Variants in XPO6 observed in about 807,000 individuals in gnomAD.
XPO6 encodes the protein exportin 6, also known as exportin-6.
A neutral mutation model predicts 130.0 loss-of-function variants in XPO6; 3 were observed. The ratio of observed to expected loss-of-function variants is 0.02; its 90% CI spans 0.01 to 0.06. XPO6 has a LOEUF of 0.06. Among genes scored for constraint, XPO6 ranks in the 10% least tolerant of loss-of-function variants. XPO6 has a pLI of 1.00. For synonymous variants in XPO6, 524 were observed against 548.9 expected, an observed-to-expected ratio of 0.95 and a Z score of 0.63; for missense variants, 970 against 1,393.0, an observed-to-expected ratio of 0.70 and a Z score of 4.83.
chr16:28,193,767 C>T (rs1196255953), intron 1 of XPO6, among the ~76,000 whole-genome samples: 4 of 152,140 alleles, frequency 2.6e-5, no homozygotes, highest in South Asian at 2.1e-4. Context: ...CTTCAATCCC[C>T]GCACAGCAAG....
chr16:28,128,726 C>T (rs979053439), intron 12 of XPO6, among the ~76,000 whole-genome samples: 6 of 152,158 alleles, frequency 3.9e-5, no homozygotes, highest in Non-Finnish European at 5.9e-5. Flanking sequence ...TGGACCTCGG[C>T]TGAATGCTAG....
chr16:28,185,251 T>C (rs984322316), intron 1 of XPO6, among the ~76,000 whole-genome samples: 4 of 152,052 alleles, frequency 2.6e-5, no homozygotes, highest in Non-Finnish European at 5.9e-5. Context: ...TTCCAGCTAC[T>C]TGGGGGGCTG....
intron 13 of XPO6, among the ~76,000 whole-genome samples, chr16:28,124,058 C>T (rs1032711011): frequency 2.2e-5 from 3 of 138,276 alleles, no homozygotes; most frequent in Non-Finnish European, 4.7e-5. Flanking sequence ...ACAGATATAC[C>T]TTTTTTTTTT....
intron 14 of XPO6, 27 bp downstream of exon 14, chr16:28,121,643 T>G: frequency 1.9e-6 from 3 of 1,539,414 alleles, no homozygotes; most frequent in Non-Finnish European, 2.7e-6. Flanking sequence ...TTCCTAAAAA[T>G]GCACAAACAT....
At chr16:28,105,983 T>C (rs2086768342) in intron 20 of XPO6, 60 bp downstream of exon 20, 1 of 1,576,186 alleles carries the variant, frequency 6.3e-7, no homozygotes. Context: ...CTGTGAAATC[T>C]CATTCCCTTC....
chr16:28,133,715 T>C (rs1323633351), intron 11 of XPO6, 126 bp downstream of exon 11: 1 of 827,574 alleles, frequency 1.2e-6, no homozygotes, highest in Non-Finnish European at 1.9e-6. Flanking sequence ...ATGGTAATTA[T>C]TCTGTTTTTA....
chr16:28,179,377 TAATAAA>T (rs2043582210), intron 2 of XPO6, among the ~76,000 whole-genome samples: 1 of 152,200 alleles, frequency 6.6e-6, no homozygotes, highest in African/African-American at 2.4e-5. Flanking sequence ...AACATTATTT[TAATAAA>T]AATAAAAGTT....
chr16:28,134,210 C>T (rs1229306909), intron 10 of XPO6, among the ~76,000 whole-genome samples: 1 of 152,168 alleles, frequency 6.6e-6, no homozygotes, highest in South Asian at 2.1e-4. Flanking sequence ...TGTGAAATCA[C>T]CTGTTGGAAA....
intron 1 of XPO6, among the ~76,000 whole-genome samples, chr16:28,193,142 G>A (rs531813341): frequency 6.6e-6 from 1 of 152,292 alleles, no homozygotes; most frequent in Non-Finnish European, 1.5e-5. Flanking sequence ...AATACACCTA[G>A]TGCCACCTTT....
At position 28,152,622 on chromosome 16, in the gene XPO6, T is replaced by C. The variant is rs754499837; in HGVS notation, c.1224+37A>G. On this transcript the variant is annotated intron_variant, in intron 8 of 23. Coordinates refer to ENST00000304658, the MANE Select transcript of XPO6 (RefSeq NM_015171.4). ...TCTCAAAGTAACAAGGTAATAAACCTTTTCTCTGGAAGGGAAGGATGACTT... is the reference window on the plus strand; with the variant it reads ...TCTCAAAGTAACAAGGTAATAAACCCTTTCTCTGGAAGGGAAGGATGACTT... 146 of 1,586,892 alleles carry C rather than the reference T, an allele frequency of 9.2e-5. 1 individual carries two copies. In the Admixed American group the frequency reaches 2.7e-3, roughly 29 times the overall value.
chr16:28,172,725 A>C (rs1404095307), intron 4 of XPO6, among the ~76,000 whole-genome samples: 1 of 152,132 alleles, frequency 6.6e-6, no homozygotes. Flanking sequence ...ACCACCCAAC[A>C]AACTGTCACA....
chr16:28,176,888 G>T (rs2043543001), intron 3 of XPO6, among the ~76,000 whole-genome samples: 1 of 152,038 alleles, frequency 6.6e-6, no homozygotes, highest in Non-Finnish European at 1.5e-5. Context: ...TGTTGTTGGG[G>T]ATGATGGTAT....
intron 1 of XPO6, among the ~76,000 whole-genome samples, chr16:28,199,403 T>C (rs1161151424): frequency 1.3e-5 from 2 of 152,006 alleles, no homozygotes; most frequent in African/African-American, 2.4e-5. Flanking sequence ...GCCTCCTGAG[T>C]TGCTGGGATT....
intron 8 of XPO6, among the ~76,000 whole-genome samples, chr16:28,148,232 G>A (rs2043019779): frequency 6.6e-6 from 1 of 152,196 alleles, no homozygotes. Flanking sequence ...TGTGAATTGA[G>A]GACTTGCTAT....
intron 5 of XPO6, among the ~76,000 whole-genome samples, chr16:28,169,502 T>TAC (rs1189475228): frequency 6.6e-6 from 1 of 152,240 alleles, no homozygotes; most frequent in Non-Finnish European, 1.5e-5. Flanking sequence ...ACCTGGACTC[T>TAC]ACCTCACTGA....
chr16:28,132,234 T>C lies in XPO6; in HGVS notation c.1606+100A>G, dbSNP rs1366442909. 5.5e-6 allele frequency: 5 copies of C among 901,832 alleles called. No homozygotes were observed. The highest frequency in any genetic ancestry group is 2.2e-4 in the Middle Eastern group (1 of 4,644). 55.9% of individuals were successfully genotyped at this position (901,832 alleles called of 1,614,324 possible). ...AGAGATGCCAGTGGGGAGGCTGCAGTGAAGAAATCATGTTCCGACAGCAAC... is the reference window on the plus strand; with the variant it reads ...AGAGATGCCAGTGGGGAGGCTGCAGCGAAGAAATCATGTTCCGACAGCAAC... On this transcript the variant is annotated intron_variant, in intron 12 of 23. Transcript: ENST00000304658. The surrounding 1 kb of genome is among the most constrained non-coding windows in gnomAD (Gnocchi z 4.0).
chr16:28,196,327 T>C (rs77521579), intron 1 of XPO6, among the ~76,000 whole-genome samples: 4 of 152,146 alleles, frequency 2.6e-5, no homozygotes, highest in Admixed American at 6.5e-5. Context: ...AAGGACCATA[T>C]AGTGTATGAT....
At chr16:28,119,429 C>T (rs1489257340) in intron 14 of XPO6, among the ~76,000 whole-genome samples, 2 of 152,114 alleles carry the variant, frequency 1.3e-5, no homozygotes, top group Admixed American at 6.5e-5. Context: ...TATGTAGTAA[C>T]CTTGCTAAAA....
chr16:28,166,876 C>T (rs1188932501), intron 5 of XPO6: 1 of 953,254 alleles, frequency 1.0e-6, no homozygotes, highest in African/African-American at 1.8e-5. Context: ...CACTTAATCC[C>T]CATCCTCCTT....
Sources: gnomAD v4.1 joint callset for allele counts (sites outside exome capture counted in the v4.1 genomes callset) on GRCh38, gnomAD v4.1.1 for gene constraint, Gnocchi (gnomAD v3.1) non-coding constraint, MANE v1.5 for transcripts, NCBI Gene and HGNC (gene_info 2026-07-23, HGNC 2026-07-21) for gene names.